RYR2: variants seen among roughly 807,000 people sequenced by gnomAD.
RYR2 encodes the protein ryanodine receptor 2, also known as cardiac muscle ryanodine receptor-calcium release channel.
RYR2 carries 227 observed loss-of-function variants against 601.1 expected under a neutral mutation model. That is an observed-to-expected ratio of 0.38 (90% confidence interval 0.34 to 0.42). The LOEUF (loss-of-function observed/expected upper bound fraction) is 0.42, where lower values mean the gene tolerates loss of function less well. Among genes scored for constraint, RYR2 ranks in the 10% least tolerant of loss-of-function variants. The pLI, the probability that RYR2 is intolerant of heterozygous loss-of-function variation, is 1.00. For synonymous variants in RYR2, 2,223 were observed against 2,175.1 expected (o/e 1.02, Z -0.61); for missense variants, 4,646 against 6,156.5 (o/e 0.75, Z 8.21).
chr1:237,408,152 T>C (rs1704092387), intron 10 of RYR2, among the ~76,000 whole-genome samples: 1 of 152,024 alleles, frequency 6.6e-6, no homozygotes, highest in Non-Finnish European at 1.5e-5. Flanking sequence ...ACATCTAGAT[T>C]TTCTCTTATG....
At position 237,185,822 on chromosome 1, in the gene RYR2, G is replaced by A. The variant is rs982056073; in HGVS notation, c.49-84675G>A. Reference sequence around the variant, plus strand: ...TGAGTCCAAAGTGAGTGAAGGCCAAGCAAGCATAAACCTTTTGGCTCTTCC... The same window carrying A: ...TGAGTCCAAAGTGAGTGAAGGCCAAACAAGCATAAACCTTTTGGCTCTTCC... On this transcript the variant is annotated intron_variant, in intron 1 of 104. Coordinates refer to ENST00000366574, the MANE Select transcript of RYR2 (RefSeq NM_001035.3). Among the ~76,000 whole-genome samples, 40 of 152,314 alleles carry A rather than the reference G, an allele frequency of 2.6e-4. 1 individual carries two copies. The highest frequency in any genetic ancestry group is 9.1e-4 in the African/African-American group (38 of 41,572).
At chr1:237,437,826 A>G (rs956921667) in intron 12 of RYR2, among the ~76,000 whole-genome samples, 2 of 152,246 alleles carry the variant, frequency 1.3e-5, no homozygotes, top group African/African-American at 4.8e-5. Context: ...CTTGCAGGAT[A>G]GAAGACTATA....
intron 1 of RYR2, among the ~76,000 whole-genome samples, chr1:237,254,117 T>A (rs1309704380): frequency 6.6e-6 from 1 of 152,202 alleles, no homozygotes; most frequent in Non-Finnish European, 1.5e-5. Context: ...CTGTGAATAA[T>A]GCTATACCAT....
At chr1:237,426,713 T>A (rs2150074735) in intron 12 of RYR2, among the ~76,000 whole-genome samples, 1 of 152,234 alleles carries the variant, frequency 6.6e-6, no homozygotes, top group African/African-American at 2.4e-5. Context: ...CATGAACCGG[T>A]ACATCACAGT....
At chr1:237,686,650 T>C (rs545185374) in intron 62 of RYR2, among the ~76,000 whole-genome samples, 4 of 152,174 alleles carry the variant, frequency 2.6e-5, no homozygotes, top group Admixed American at 6.5e-5. Flanking sequence ...TCTCCCAGGT[T>C]CAAGTGTCTG....
At chr1:237,775,642 T>A (rs115711805) in intron 87 of RYR2, among the ~76,000 whole-genome samples, 86 of 152,314 alleles carry the variant, frequency 5.6e-4, no homozygotes, top group African/African-American at 1.9e-3. Flanking sequence ...CCTATAAGAT[T>A]GTAATCCCAA....
intron 87 of RYR2, 141 bp downstream of exon 87, chr1:237,773,789 A>G: frequency 1.5e-6 from 1 of 666,842 alleles, no homozygotes. Context: ...TTAGGTTGAG[A>G]TGTGAATTTA....
rs1559095013 is a variant in RYR2 at position 237,602,063 on chromosome 1, A to C, written c.4635A>C (p.Ala1545=). Residue 1545 remains alanine (A), a synonymous_variant, in exon 35 of 105, where the codon GCA becomes GCC. Transcript: ENST00000366574. ...CAAAATTATTTCCTGCGGTTTTTGCACAAGCTACAAGTCCCAATGTTTTCC... is the reference window on the plus strand; with the variant it reads ...CAAAATTATTTCCTGCGGTTTTTGCCCAAGCTACAAGTCCCAATGTTTTCC... ...PSTKLFPAVF[A]QATSPNVFQF... is the part of the protein sequence containing the mutation. 6.2e-7 allele frequency: 1 copy of C among 1,613,170 alleles called. No homozygotes were observed. The highest frequency in any genetic ancestry group is 8.5e-7 in the Non-Finnish European group (1 of 1,179,450).
At chr1:237,706,386 G>T (rs927402401) in intron 67 of RYR2, among the ~76,000 whole-genome samples, 1 of 152,294 alleles carries the variant, frequency 6.6e-6, no homozygotes, top group South Asian at 2.1e-4. Flanking sequence ...TTGGTCCTGG[G>T]TATGAAATGC....
chr1:237,793,748 T>C, intron 94 of RYR2, 119 bp from the exon 95 acceptor site: 1 of 760,672 alleles, frequency 1.3e-6, no homozygotes, highest in South Asian at 1.8e-5. Flanking sequence ...ATTCCATTTT[T>C]ACCTTCCTAG....
In RYR2 at chr1:237,631,846, T is replaced by C. The variant is rs530410420; in HGVS notation, c.6555+305T>C. Among the ~76,000 whole-genome samples the C allele has an allele frequency of 1.8e-3, 252 of 136,550 alleles. 1 individual carries two copies. Among genetic ancestry groups the C allele is most frequent in the Middle Eastern group, 3.6e-3 (1 of 278 alleles). The allele number at this position is 136,550 out of a possible 152,430, so 89.6% of individuals were successfully genotyped here. A position where few individuals can be genotyped will look rare whatever the true frequency, so the allele number is the denominator to read the frequency against. On this transcript the variant is annotated intron_variant, in intron 42 of 104. Transcript: ENST00000366574. ...GGTTTCACTGTGTTAGCCAGGATGG[T>C]CTCGATCTCCTGACCTCGTGATCCG...
At chr1:237,424,860 C>T (rs1327524556) in intron 12 of RYR2, among the ~76,000 whole-genome samples, 3 of 152,182 alleles carry the variant, frequency 2.0e-5, no homozygotes, top group African/African-American at 7.2e-5. Context: ...CACAGAACTT[C>T]TATTTGCAGT....
chr1:237,589,432 TC>T (rs1437747779), intron 29 of RYR2, among the ~76,000 whole-genome samples: 1 of 152,072 alleles, frequency 6.6e-6, no homozygotes. Flanking sequence ...CTTCTTACTT[TC>T]CCTATATGAG....
chr1:237,415,120 A>G (rs1248795466), intron 10 of RYR2, among the ~76,000 whole-genome samples: 1 of 152,198 alleles, frequency 6.6e-6, no homozygotes, highest in East Asian at 1.9e-4. Flanking sequence ...ACGCAGCCCC[A>G]AACATCAACA....
rs1343454298 is a variant in RYR2 at position 237,500,897 on chromosome 1, G to A, written c.2390G>A (p.Gly797Glu). ...LFFPVVSFSA[G>E]IKVRFLLGGR... ...TTTCCAGTCGTTAGTTTCTCTGCAG[G>A]AATAAAGTTAGTATGTCTATGTTTT... The change falls in exon 21 of 105, where the codon GGA becomes GAA. Residue 797 changes from glycine (G) to glutamate (E), a missense_variant. Physicochemically the swap from Gly to Glu is moderately conservative, Grantham distance 98. Transcript: ENST00000366574. 1 of 1,613,930 alleles carries A rather than the reference G, an allele frequency of 6.2e-7. No individual in the cohort carries two copies. Among genetic ancestry groups the A allele is most frequent in the South Asian group, 1.1e-5 (1 of 91,084 alleles).
chr1:237,393,755 G>A (rs1702582439), intron 10 of RYR2, among the ~76,000 whole-genome samples: 1 of 152,152 alleles, frequency 6.6e-6, no homozygotes, highest in African/African-American at 2.4e-5. Context: ...TCTCCTTTGG[G>A]AGAGATTCGC....
At chr1:237,203,973 T>C (rs1681494953) in intron 1 of RYR2, among the ~76,000 whole-genome samples, 1 of 152,226 alleles carries the variant, frequency 6.6e-6, no homozygotes, top group African/African-American at 2.4e-5. Context: ...CTGGCTTCTT[T>C]CATTGAAGTT....
At chr1:237,093,050 T>A (rs1339299050) in intron 1 of RYR2, among the ~76,000 whole-genome samples, 2 of 152,130 alleles carry the variant, frequency 1.3e-5, no homozygotes, top group Non-Finnish European at 2.9e-5. Flanking sequence ...GTCTGTGCCA[T>A]CCAGTACCAC....
chr1:237,507,661 A>G (rs1309154308), intron 23 of RYR2, among the ~76,000 whole-genome samples: 2 of 152,218 alleles, frequency 1.3e-5, no homozygotes, highest in Non-Finnish European at 2.9e-5. Flanking sequence ...CATACAGATT[A>G]TTAGGTCAAA....
Sources: allele counts gnomAD v4.1 joint callset (sites outside exome capture counted in the v4.1 genomes callset), GRCh38; gene constraint gnomAD v4.1.1; transcripts MANE v1.5; gene names NCBI Gene and HGNC (gene_info 2026-07-23, HGNC 2026-07-21).